Variants in SLC9C2 observed in about 807,000 individuals in gnomAD.
The protein encoded by SLC9C2 is sodium/hydrogen exchanger 11.
A neutral mutation model predicts 140.2 loss-of-function variants in SLC9C2; 75 were observed. The observed-to-expected ratio is 0.53, with a 90% CI of 0.44 to 0.65. The LOEUF is 0.65. Among genes scored for constraint, SLC9C2 ranks in the 30% least tolerant of loss-of-function variants. The pLI, the probability that SLC9C2 is intolerant of heterozygous loss-of-function variation, is 0.00. For missense variants in SLC9C2, 1,074 were observed against 1,331.8 expected, an observed-to-expected ratio of 0.81 and a Z score of 3.01; for synonymous variants, 375 against 420.9, an observed-to-expected ratio of 0.89 and a Z score of 1.34.
chr1:173,587,493 C>A (rs528465502), intron 5 of SLC9C2, among the ~76,000 whole-genome samples, 172 bp downstream of exon 5: 4 of 152,172 alleles, frequency 2.6e-5, no homozygotes, highest in South Asian at 4.2e-4. Context: ...TGGTGGCTGT[C>A]TTATTTGCAC....
chr1:173,576,843 T>C (rs1284593705), intron 7 of SLC9C2, 83 bp from the exon 8 acceptor site: 3 of 858,404 alleles, frequency 3.5e-6, no homozygotes, highest in East Asian at 2.7e-5. Flanking sequence ...AATAAAGAAT[T>C]GGTGGGAATC....
Position 173,521,291 on chromosome 1 carries a change from A to G in SLC9C2, c.2739+10T>C. On this transcript the variant is annotated intron_variant, in intron 22 of 27. Transcript: ENST00000367714. Reference sequence around the variant, plus strand: ...AGTAAAAAAAAAAAAAAAAATCAATAGTCCCTTACAATTGCCATTCCTGAA... The same window carrying G: ...AGTAAAAAAAAAAAAAAAAATCAATGGTCCCTTACAATTGCCATTCCTGAA... The G allele has an allele frequency of 1.4e-6, 2 of 1,393,788 alleles. No homozygotes were observed. Among genetic ancestry groups the G allele is most frequent in the Non-Finnish European group, 1.9e-6 (2 of 1,029,572 alleles). The allele number at this position is 1,393,788 out of a possible 1,614,324, so 86.3% of individuals were successfully genotyped here. A position where few individuals can be genotyped will look rare whatever the true frequency, so the allele number is the denominator to read the frequency against.
At chr1:173,566,121 G>C (rs1436729613) in intron 9 of SLC9C2, among the ~76,000 whole-genome samples, 1 of 152,094 alleles carries the variant, frequency 6.6e-6, no homozygotes, top group East Asian at 1.9e-4. Context: ...ATTCATGAGA[G>C]ATATTGACCT....
chr1:173,587,404 C>G (rs1464384035), intron 5 of SLC9C2, among the ~76,000 whole-genome samples: 1 of 152,008 alleles, frequency 6.6e-6, no homozygotes, highest in East Asian at 1.9e-4. Context: ...TTATCACCTT[C>G]TAGAAGGTTA....
At chr1:173,540,519 A>C (rs1356008932) in intron 13 of SLC9C2, among the ~76,000 whole-genome samples, 1 of 152,170 alleles carries the variant, frequency 6.6e-6, no homozygotes, top group African/African-American at 2.4e-5. Context: ...GGCAGTGAGA[A>C]GACTGTTAGT....
chr1:173,525,112 G>A (rs1346668022), intron 19 of SLC9C2, among the ~76,000 whole-genome samples, 185 bp from the exon 20 acceptor site: 3 of 152,054 alleles, frequency 2.0e-5, no homozygotes, highest in African/African-American at 7.2e-5. Context: ...TGAGAAAATT[G>A]GAAACTGGCT....
intron 21 of SLC9C2, 101 bp from the exon 22 acceptor site, chr1:173,521,500 ATTTTAT>A: frequency 7.9e-5 from 19 of 241,966 alleles, no homozygotes; most frequent in Non-Finnish European, 1.2e-4. Context: ...TATATATATG[ATTTTAT>A]TATATATGTG....
At chr1:173,587,047 A>G (rs1466720635) in intron 5 of SLC9C2, among the ~76,000 whole-genome samples, 1 of 152,088 alleles carries the variant, frequency 6.6e-6, no homozygotes, top group Non-Finnish European at 1.5e-5. Context: ...AAAAAACCTG[A>G]CAATAGGGGG....
chr1:173,573,594 C>T (rs550763104), intron 8 of SLC9C2, among the ~76,000 whole-genome samples: 4 of 152,262 alleles, frequency 2.6e-5, no homozygotes, highest in East Asian at 1.9e-4. Context: ...AGGACCTCCC[C>T]CAGCTGATGA....
Position 173,524,017 on chromosome 1 carries a change from G to A in SLC9C2, c.2592C>T (p.His864=). The A allele has an allele frequency of 6.2e-7, 1 of 1,613,658 alleles. No homozygotes were observed. Among genetic ancestry groups the A allele is most frequent in the South Asian group, 1.1e-5 (1 of 90,964 alleles). ...IPPPTPDIYL[H]NIIWLEGKDV... ...CTTTACCTTCCAGCCAAATGATGTT[G>A]TGAAGGTATATGTCAGGAGTTGGGG... Residue 864 remains histidine, a synonymous_variant, in exon 21 of 28, where the codon CAC becomes CAT. Transcript: ENST00000367714.
At chr1:173,579,262 T>C (rs937501447) in intron 7 of SLC9C2, among the ~76,000 whole-genome samples, 1 of 152,232 alleles carries the variant, frequency 6.6e-6, no homozygotes, top group African/African-American at 2.4e-5. Flanking sequence ...TGTTTAAGGC[T>C]GGTTCTTAGA....
intron 9 of SLC9C2, among the ~76,000 whole-genome samples, chr1:173,559,775 T>C (rs1471784096): frequency 1.3e-5 from 2 of 152,222 alleles, no homozygotes; most frequent in Admixed American, 1.3e-4. Context: ...CAACCCACCA[T>C]TTCTACTCAG....
intron 19 of SLC9C2, 48 bp downstream of exon 19, chr1:173,526,615 A>C (rs1484344796): frequency 7.1e-7 from 1 of 1,399,754 alleles, no homozygotes; most frequent in East Asian, 2.3e-5. Context: ...ATTAAATTAT[A>C]GGACAATAAG....
chr1:173,501,998 G>A (rs561057264), intron 27 of SLC9C2, among the ~76,000 whole-genome samples: 11 of 152,232 alleles, frequency 7.2e-5, no homozygotes, highest in African/African-American at 1.9e-4. Flanking sequence ...TTATGGCTGG[G>A]CGCGGTGGCT....
chr1:173,571,902 G>A (rs1664864125), intron 9 of SLC9C2, among the ~76,000 whole-genome samples: 1 of 152,250 alleles, frequency 6.6e-6, no homozygotes, highest in East Asian at 1.9e-4. Context: ...CAAAAGTTGT[G>A]TCTTATCCTG....
At chr1:173,602,086 T>TG (rs1239658574) in intron 1 of SLC9C2, among the ~76,000 whole-genome samples, 1 of 152,142 alleles carries the variant, frequency 6.6e-6, no homozygotes, top group Non-Finnish European at 1.5e-5. Flanking sequence ...GGGGGTGCAT[T>TG]GATAGGTGCA....
chr1:173,590,693 A>G (rs975655484), intron 4 of SLC9C2, among the ~76,000 whole-genome samples: 4 of 152,184 alleles, frequency 2.6e-5, no homozygotes, highest in African/African-American at 9.7e-5. Context: ...GTGATACTGT[A>G]TGTTCTATCT....
chr1:173,506,756 T>C lies in SLC9C2; in HGVS notation c.3225+100A>G, dbSNP rs1044872234. The C allele has an allele frequency of 7.2e-6, 7 of 967,940 alleles. No homozygotes were observed. The African/African-American group carries it at 9.9e-5, about 14-fold the overall frequency. The allele number at this position is 967,940 out of a possible 1,614,324, so 60.0% of individuals were successfully genotyped here. A position where few individuals can be genotyped will look rare whatever the true frequency, so the allele number is the denominator to read the frequency against. On this transcript the variant is annotated intron_variant, in intron 25 of 27. Transcript: ENST00000367714. The stretch of plus-strand genomic sequence containing the variant: ...AAGGCAAGTAAGAACTACAGGGTCA[T>C]TCCAGGTTAAATTTCTTTTTAAGGT...
At chr1:173,543,406 T>C (rs1433187339) in intron 13 of SLC9C2, among the ~76,000 whole-genome samples, 1 of 152,172 alleles carries the variant, frequency 6.6e-6, no homozygotes, top group African/African-American at 2.4e-5. Context: ...GAGGAATCAA[T>C]ATCGTGAAAA....
Sources: allele counts gnomAD v4.1 joint callset (sites outside exome capture counted in the v4.1 genomes callset), GRCh38; gene constraint gnomAD v4.1.1; transcripts MANE v1.5; gene names NCBI Gene and HGNC (gene_info 2026-07-23, HGNC 2026-07-21).